NHS: variants seen among roughly 807,000 people sequenced by gnomAD.
NHS encodes NHS actin remodeling regulator.
Under a neutral mutation model 72.5 loss-of-function variants are expected in NHS, and 5 were observed. The ratio of observed to expected loss-of-function variants is 0.07; its 90% confidence interval spans 0.04 to 0.14. The LOEUF is 0.14. Among genes scored for constraint, NHS ranks in the 10% least tolerant of loss-of-function variants. The pLI is 1.00. For missense variants in NHS, 1,072 were observed against 1,355.7 expected, an observed-to-expected ratio of 0.79 and a Z score of 3.29; for synonymous variants, 464 against 547.7, an observed-to-expected ratio of 0.85 and a Z score of 2.13.
chrX:17,690,625 G>T (rs1247114210), intron 2 of NHS, among the ~76,000 whole-genome samples: 2 of 112,157 alleles, frequency 1.8e-5, no homozygotes, highest in African/African-American at 6.5e-5. Context: ...AAGCAATAAC[G>T]TATGCTGCCC....
chrX:17,633,233 T>C (rs762620301), intron 1 of NHS, among the ~76,000 whole-genome samples: 1 of 112,263 alleles, frequency 8.9e-6, no homozygotes, highest in South Asian at 3.7e-4. Context: ...CAGTTTCTTT[T>C]TTTCACCTTC....
chrX:17,709,312 T>C (rs1380053663), intron 3 of NHS, among the ~76,000 whole-genome samples: 1 of 111,891 alleles, frequency 8.9e-6, no homozygotes, highest in African/African-American at 3.3e-5. Context: ...AGAAGCAGTT[T>C]GCTTTTGAGA....
intron 1 of NHS, among the ~76,000 whole-genome samples, chrX:17,580,687 C>T (rs981948590): frequency 9.0e-6 from 1 of 111,488 alleles, no homozygotes; most frequent in Admixed American, 9.5e-5. Flanking sequence ...AGCCACTCCC[C>T]CTTCTCATTT....
chrX:17,692,113 G>A (rs988266016), intron 2 of NHS, among the ~76,000 whole-genome samples: 20 of 111,894 alleles, frequency 1.8e-4, no homozygotes, highest in Non-Finnish European at 3.2e-4. Flanking sequence ...TACAGATTAT[G>A]AGATGGATCC....
At chrX:17,400,528 G>A (rs2064498170) in intron 1 of NHS, among the ~76,000 whole-genome samples, 1 of 110,512 alleles carries the variant, frequency 9.0e-6, no homozygotes, top group African/African-American at 3.3e-5. Flanking sequence ...AGAGGTTGCA[G>A]TGAGCCCAGA....
At chrX:17,690,820 G>A (rs970520493) in intron 2 of NHS, among the ~76,000 whole-genome samples, 5 of 111,979 alleles carry the variant, frequency 4.5e-5, no homozygotes, top group Non-Finnish European at 7.5e-5. Flanking sequence ...TTCCCCCTTA[G>A]TAATTCTTTA....
chrX:17,426,492 A>G (rs974748748), intron 1 of NHS, among the ~76,000 whole-genome samples: 4 of 112,208 alleles, frequency 3.6e-5, no homozygotes, highest in Non-Finnish European at 7.5e-5. Context: ...CTGCTCAGCT[A>G]TATGACAGGT....
intron 1 of NHS, among the ~76,000 whole-genome samples, chrX:17,438,112 C>G (rs1214750361): frequency 1.8e-5 from 2 of 112,117 alleles, no homozygotes; most frequent in Admixed American, 9.4e-5. Context: ...GCATTTGAAA[C>G]TTTAGTGCAT....
At chrX:17,429,257 T>TGTGTGTGTGTGC (rs1460333806) in intron 1 of NHS, among the ~76,000 whole-genome samples, 79 of 106,558 alleles carry the variant, frequency 7.4e-4, no homozygotes, top group African/African-American at 2.5e-3. Context: ...TGTGTGTGTG[T>TGTGTGTGTGTGC]GCACACGTGC....
At chrX:17,575,078 A>C (rs1410511073) in intron 1 of NHS, among the ~76,000 whole-genome samples, 1 of 111,933 alleles carries the variant, frequency 8.9e-6, no homozygotes, top group African/African-American at 3.2e-5. Flanking sequence ...ACTACTACGT[A>C]CTCCTACCTG....
chrX:17,622,133 T>C (rs907158064), intron 1 of NHS, among the ~76,000 whole-genome samples: 1 of 111,975 alleles, frequency 8.9e-6, no homozygotes, highest in Admixed American at 9.4e-5. Context: ...ACCTTGACCA[T>C]TTGACTGAGT....
intron 1 of NHS, among the ~76,000 whole-genome samples, chrX:17,525,898 A>G (rs1188143876): frequency 5.4e-5 from 6 of 111,365 alleles, no homozygotes; most frequent in Non-Finnish European, 1.1e-4. Context: ...AAAAGCTATA[A>G]GCGGACATGA....
intron 1 of NHS, among the ~76,000 whole-genome samples, chrX:17,479,867 CT>C (rs1243767604): frequency 8.9e-6 from 1 of 111,774 alleles, no homozygotes; most frequent in Non-Finnish European, 1.9e-5. Flanking sequence ...ATGATAGTTT[CT>C]TTTGCTGTGC....
At chrX:17,715,136 ACT>A (rs924296245) in intron 3 of NHS, among the ~76,000 whole-genome samples, 3 of 111,723 alleles carry the variant, frequency 2.7e-5, no homozygotes, top group African/African-American at 9.8e-5. Flanking sequence ...AGCAGTGTAC[ACT>A]GTTACCCAAT....
At chrX:17,625,513 C>G (rs776477015) in intron 1 of NHS, among the ~76,000 whole-genome samples, 1 of 111,877 alleles carries the variant, frequency 8.9e-6, no homozygotes, top group East Asian at 2.8e-4. Flanking sequence ...TTGCTACTTA[C>G]TGCAAATCAC....
chrX:17,599,515 C>T (rs1048074287), intron 1 of NHS, among the ~76,000 whole-genome samples: 1 of 110,637 alleles, frequency 9.0e-6, no homozygotes, highest in African/African-American at 3.3e-5. Context: ...ATAGTAAAGA[C>T]AGCTCCCATA....
chrX:17,522,492 CG>C (rs1279292134), intron 1 of NHS, among the ~76,000 whole-genome samples: 5 of 18,907 alleles, frequency 2.6e-4, no homozygotes, highest in African/African-American at 5.8e-4. Context: ...AGCCAGAAGC[CG>C]CCCCCCCCCC....
At chrX:17,564,796 A>C (rs2065433694) in intron 1 of NHS, among the ~76,000 whole-genome samples, 1 of 109,817 alleles carries the variant, frequency 9.1e-6, no homozygotes, top group African/African-American at 3.3e-5. Flanking sequence ...ACCTTCTGAA[A>C]CTCCCCCAAA....
intron 2 of NHS, among the ~76,000 whole-genome samples, chrX:17,691,143 A>C (rs900181981): frequency 9.0e-6 from 1 of 111,450 alleles, no homozygotes; most frequent in African/African-American, 3.3e-5. Flanking sequence ...ATTGTGTAGG[A>C]GGGGAGCGAT....
Sources: gnomAD v4.1 joint callset for allele counts (sites outside exome capture counted in the v4.1 genomes callset) on GRCh38, gnomAD v4.1.1 for gene constraint, MANE v1.5 for transcripts, NCBI Gene and HGNC (gene_info 2026-07-23, HGNC 2026-07-21) for gene names.